GRIP1: variants seen among roughly 807,000 people sequenced by gnomAD.
GRIP1 encodes glutamate receptor-interacting protein 1.
A neutral mutation model predicts 129.9 loss-of-function variants in GRIP1; 45 were observed. The ratio of observed to expected loss-of-function variants is 0.35; its 90% CI spans 0.27 to 0.44. The LOEUF is 0.44. GRIP1 is among the 20% of genes least tolerant of loss of function. The probability of loss-of-function intolerance (pLI) is 1.00; values close to 1 mark genes in which losing one functional copy is unlikely to be tolerated. For missense variants in GRIP1, 1,196 were observed against 1,396.8 expected (o/e 0.86, Z 2.29); for synonymous variants, 530 against 520.8 (o/e 1.02, Z -0.24).
At chr12:66,790,076 TATGCCACTGTACTTAA>T (rs144272322) in intron 1 of GRIP1, among the ~76,000 whole-genome samples, 9,532 of 152,240 alleles carry the variant, frequency 0.063, 1,013 homozygotes, top group African/African-American at 0.22. Context: ...TTATTTTCAA[TATGCCACTGTACTTAA>T]ATTTATAATT....
At chr12:66,637,024 G>C (rs889682504) in intron 1 of GRIP1, among the ~76,000 whole-genome samples, 1 of 152,118 alleles carries the variant, frequency 6.6e-6, no homozygotes, top group African/African-American at 2.4e-5. Flanking sequence ...AGTCTGGCCT[G>C]GTCCAGCACA....
chr12:67,012,685 G>A (rs2042727905), intron 1 of GRIP1, among the ~76,000 whole-genome samples: 1 of 152,188 alleles, frequency 6.6e-6, no homozygotes, highest in African/African-American at 2.4e-5. Flanking sequence ...GACAGAACCA[G>A]AAGCAGAAGC....
chr12:66,605,163 A>AAT (rs1382609135), intron 1 of GRIP1, among the ~76,000 whole-genome samples: 4 of 152,042 alleles, frequency 2.6e-5, no homozygotes, highest in Non-Finnish European at 4.4e-5. Context: ...AGAATGTTTA[A>AAT]AATGTTCTCA....
chr12:66,801,382 A>G (rs1449118198), intron 1 of GRIP1, among the ~76,000 whole-genome samples: 1 of 152,158 alleles, frequency 6.6e-6, no homozygotes, highest in Middle Eastern at 3.2e-3. Flanking sequence ...AAATCATTCT[A>G]TCATCATTGT....
intron 1 of GRIP1, among the ~76,000 whole-genome samples, chr12:66,717,769 T>G (rs565353130): frequency 6.6e-6 from 1 of 152,276 alleles, no homozygotes; most frequent in African/African-American, 2.4e-5. Flanking sequence ...TGTACCCAAT[T>G]GATAAACAAA....
chr12:66,668,050 T>C (rs1442830082), intron 1 of GRIP1, among the ~76,000 whole-genome samples: 1 of 152,180 alleles, frequency 6.6e-6, no homozygotes, highest in Non-Finnish European at 1.5e-5. Flanking sequence ...CTCCTATTTT[T>C]AGAACTGCCC....
chr12:66,493,006 A>AAAACAAACAAACAAACAAACAAAC (rs148165279), intron 7 of GRIP1, among the ~76,000 whole-genome samples: 43 of 151,182 alleles, frequency 2.8e-4, no homozygotes, highest in Admixed American at 2.6e-3. Flanking sequence ...ACTCTGTCTC[A>AAAACAAACAAACAAACAAACAAAC]AAACAAACAA....
At chr12:66,514,746 TC>T (rs1442573358) in intron 7 of GRIP1, among the ~76,000 whole-genome samples, 2 of 152,116 alleles carry the variant, frequency 1.3e-5, no homozygotes, top group African/African-American at 4.8e-5. Context: ...TTAAGAATAG[TC>T]TTGTATGACA....
chr12:66,525,459 G>C (rs1225370016), intron 5 of GRIP1, among the ~76,000 whole-genome samples: 1 of 151,956 alleles, frequency 6.6e-6, no homozygotes, highest in Non-Finnish European at 1.5e-5. Flanking sequence ...ATGCAGAAAA[G>C]GCCTTTGACA....
chr12:66,981,309 T>TG (rs5798850), intron 1 of GRIP1, among the ~76,000 whole-genome samples: 126,136 of 152,142 alleles, frequency 0.83, 52,791 homozygotes, highest in African/African-American at 0.93. Context: ...TTTGTGTTCA[T>TG]TGTTACTTCT....
rs2056703276 is a variant in GRIP1 at position 66,394,195 on chromosome 12, C to A, written c.2129+13G>T. Reference sequence around the variant, plus strand: ...CAGACACAGGTAATTATAACAGTTACTTCAAATTTTACCTTTCAGCTAATC... The same window carrying A: ...CAGACACAGGTAATTATAACAGTTAATTCAAATTTTACCTTTCAGCTAATC... On this transcript the variant is annotated intron_variant, in intron 17 of 24. Coordinates refer to ENST00000359742, the MANE Select transcript of GRIP1 (RefSeq NM_001366722.1). 1.9e-6 allele frequency: 3 copies of A among 1,611,990 alleles called. No individual in the cohort carries two copies. Among genetic ancestry groups the A allele is most frequent in the South Asian group, 1.1e-5 (1 of 91,032 alleles).
chr12:66,503,470 C>T (rs2060445704), intron 7 of GRIP1, among the ~76,000 whole-genome samples: 1 of 152,112 alleles, frequency 6.6e-6, no homozygotes, highest in African/African-American at 2.4e-5. Context: ...GGTTAAATGC[C>T]TGCTTGGGTC....
At chr12:66,949,944 A>G (rs938625079) in intron 1 of GRIP1, among the ~76,000 whole-genome samples, 9 of 149,572 alleles carry the variant, frequency 6.0e-5, no homozygotes, top group Non-Finnish European at 1.0e-4. Context: ...AATTTTTTGT[A>G]TTTTTGTATT....
rs569435740 is a variant in GRIP1, at chr12:66,640,096, AC to A, written c.55+38753del. On this transcript the variant is annotated intron_variant, in intron 1 of 24. Coordinates refer to ENST00000359742, the MANE Select transcript of GRIP1 (RefSeq NM_001366722.1). ...TCACTTCTCCTGAAAGCCTCCACCA[AC>A]CTTCCAACCAGCTTTAGGTGCTTGT... is the stretch of plus-strand genomic sequence containing the variant. Among the ~76,000 whole-genome samples the A allele has an allele frequency of 1.5e-3, 235 of 152,194 alleles. 1 individual carries two copies. The highest frequency in any genetic ancestry group is 5.5e-3 in the African/African-American group (227 of 41,512).
intron 1 of GRIP1, among the ~76,000 whole-genome samples, chr12:66,753,921 T>C (rs1233859926): frequency 1.3e-5 from 2 of 152,252 alleles, no homozygotes; most frequent in African/African-American, 4.8e-5. Context: ...AGATTTTTCA[T>C]GGTTGGTGAG....
intron 1 of GRIP1, among the ~76,000 whole-genome samples, chr12:66,826,585 T>C (rs1290105579): frequency 6.6e-6 from 1 of 152,170 alleles, no homozygotes; most frequent in East Asian, 1.9e-4. Context: ...ATCTAAGTTC[T>C]ATTTCTACTT....
chr12:66,554,313 G>A (rs1055226376), intron 2 of GRIP1, among the ~76,000 whole-genome samples: 1 of 152,194 alleles, frequency 6.6e-6, no homozygotes, highest in East Asian at 1.9e-4. Flanking sequence ...TCACTGCCTT[G>A]AAGGGAAGAA....
At chr12:66,566,202 T>C (rs2062750976) in intron 2 of GRIP1, among the ~76,000 whole-genome samples, 1 of 152,192 alleles carries the variant, frequency 6.6e-6, no homozygotes, top group African/African-American at 2.4e-5. Context: ...CTTGTGCCAG[T>C]TTTCAAAGGG....
At chr12:66,385,030 G>A (rs549847158) in intron 19 of GRIP1, among the ~76,000 whole-genome samples, 34 of 152,220 alleles carry the variant, frequency 2.2e-4, no homozygotes, top group African/African-American at 8.2e-4. Context: ...TTTACACCAG[G>A]AGTCAAGCTT....
Sources: allele counts gnomAD v4.1 joint callset (sites outside exome capture counted in the v4.1 genomes callset), GRCh38; gene constraint gnomAD v4.1.1; transcripts MANE v1.5; gene names NCBI Gene and HGNC (gene_info 2026-07-23, HGNC 2026-07-21).